Variants in GRIP1 observed in about 807,000 individuals in gnomAD.
The protein encoded by GRIP1 is glutamate receptor-interacting protein 1.
A neutral mutation model predicts 129.9 loss-of-function variants in GRIP1; 45 were observed. That is an observed-to-expected ratio of 0.35 (90% CI 0.27 to 0.44). The LOEUF is 0.44. GRIP1 is among the 20% of genes least tolerant of loss of function. The pLI, the probability that GRIP1 is intolerant of heterozygous loss-of-function variation, is 1.00. For synonymous variants in GRIP1, 530 were observed against 520.8 expected, an observed-to-expected ratio of 1.02 and a Z score of -0.24; for missense variants, 1,196 against 1,396.8, an observed-to-expected ratio of 0.86 and a Z score of 2.29.
At chr12:66,455,096 TA>T (rs2058918104) in intron 11 of GRIP1, among the ~76,000 whole-genome samples, 1 of 152,058 alleles carries the variant, frequency 6.6e-6, no homozygotes, top group Admixed American at 6.5e-5. Context: ...AAAGGAGTCT[TA>T]AAGGAAAAAT....
chr12:66,754,190 T>C (rs2037212699), intron 1 of GRIP1, among the ~76,000 whole-genome samples: 1 of 152,202 alleles, frequency 6.6e-6, no homozygotes, highest in African/African-American at 2.4e-5. Flanking sequence ...CAAAGGAATA[T>C]AGACGATGGA....
chr12:66,790,699 G>A (rs1452968353), intron 1 of GRIP1, among the ~76,000 whole-genome samples: 1 of 152,074 alleles, frequency 6.6e-6, no homozygotes. Context: ...GAACATATTT[G>A]GGTAGGAGCT....
intron 23 of GRIP1, among the ~76,000 whole-genome samples, chr12:66,354,676 G>A (rs2054394589): frequency 6.6e-6 from 1 of 152,084 alleles, no homozygotes; most frequent in South Asian, 2.1e-4. Context: ...ATACATTCTT[G>A]TAAAATAGTC....
intron 16 of GRIP1, among the ~76,000 whole-genome samples, chr12:66,396,693 G>T (rs1485688975): frequency 6.6e-6 from 1 of 152,116 alleles, no homozygotes; most frequent in Non-Finnish European, 1.5e-5. Context: ...TAACTAAGAA[G>T]GACACATTCC....
chr12:66,441,870 C>T (rs2058480112), intron 13 of GRIP1, among the ~76,000 whole-genome samples: 1 of 152,192 alleles, frequency 6.6e-6, no homozygotes, highest in African/African-American at 2.4e-5. Flanking sequence ...CTCACCCTCA[C>T]ACCTCAGGAG....
intron 1 of GRIP1, among the ~76,000 whole-genome samples, chr12:66,998,918 C>G (rs912339827): frequency 2.6e-5 from 4 of 152,078 alleles, no homozygotes; most frequent in African/African-American, 4.8e-5. Context: ...AGCATTTGAG[C>G]CTAAGTGCCC....
chr12:66,841,531 T>C (rs2039716280), intron 1 of GRIP1, among the ~76,000 whole-genome samples: 1 of 152,194 alleles, frequency 6.6e-6, no homozygotes, highest in African/African-American at 2.4e-5. Context: ...GCACAGCATT[T>C]TTTGATTATT....
At chr12:66,477,091 C>T (rs924879875) in intron 7 of GRIP1, among the ~76,000 whole-genome samples, 2 of 152,058 alleles carry the variant, frequency 1.3e-5, no homozygotes, top group East Asian at 1.9e-4. Flanking sequence ...TCAAATTGTC[C>T]CTGTTTGCAG....
At position 66,432,389 on chromosome 12, in the gene GRIP1, G is replaced by A. The variant is rs143329818; in HGVS notation, c.1768+159C>T. ...TTGAGTAACTTGTCTCATTCATACA[G>A]CCAGTAAGTGCTGGAGGTGTGACTG... is the stretch of plus-strand genomic sequence containing the variant. On this transcript the variant is annotated intron_variant, in intron 14 of 24. Transcript: ENST00000359742. Among the ~76,000 whole-genome samples the A allele has an allele frequency of 1.3e-3, 192 of 152,240 alleles. 2 individuals carry two copies. Among genetic ancestry groups the A allele is most frequent in the African/African-American group, 4.3e-3 (180 of 41,566 alleles).
At chr12:66,551,124 A>G (rs1775397359) in intron 2 of GRIP1, among the ~76,000 whole-genome samples, 1 of 152,238 alleles carries the variant, frequency 6.6e-6, no homozygotes, top group Admixed American at 6.5e-5. Flanking sequence ...TAAGTTAACT[A>G]CATTCTTACA....
chr12:66,759,589 G>A (rs942198849), intron 1 of GRIP1, among the ~76,000 whole-genome samples: 1 of 152,136 alleles, frequency 6.6e-6, no homozygotes, highest in Non-Finnish European at 1.5e-5. Flanking sequence ...GAACTATTAT[G>A]CTCTGCTTCC....
intron 5 of GRIP1, among the ~76,000 whole-genome samples, chr12:66,523,883 T>G (rs1370307996): frequency 6.6e-6 from 1 of 152,114 alleles, no homozygotes; most frequent in Non-Finnish European, 1.5e-5. Context: ...GCAATCCTAG[T>G]CTCTGATTAA....
rs2058576054 is a variant in GRIP1, at chr12:66,444,843, T to A, written c.1542-114A>T. 6 of 1,072,352 alleles carry A rather than the reference T, an allele frequency of 5.6e-6. No homozygotes were observed. The African/African-American group carries it at 7.7e-5, about 14-fold the overall frequency. 66.4% of individuals were successfully genotyped at this position (1,072,352 alleles called of 1,614,324 possible). On this transcript the variant is annotated intron_variant, in intron 12 of 24. Coordinates refer to ENST00000359742, the MANE Select transcript of GRIP1 (RefSeq NM_001366722.1). ...AAATAGCATCATAATTTGGTCTTGCTTATTCAATGCTGTGGGCATCATATA... is the reference window on the plus strand; with the variant it reads ...AAATAGCATCATAATTTGGTCTTGCATATTCAATGCTGTGGGCATCATATA...
chr12:67,053,887 T>A (rs4913520), intron 1 of GRIP1, among the ~76,000 whole-genome samples: 1 of 152,018 alleles, frequency 6.6e-6, no homozygotes. Context: ...AAAACATTTT[T>A]AAAAATCATG....
At chr12:66,909,352 C>A (rs749933945) in intron 1 of GRIP1, among the ~76,000 whole-genome samples, 7 of 152,168 alleles carry the variant, frequency 4.6e-5, no homozygotes, top group Non-Finnish European at 1.0e-4. Context: ...GCAGGTGGAG[C>A]AGAGAGCTTG....
At chr12:66,790,706 A>G (rs1384041733) in intron 1 of GRIP1, among the ~76,000 whole-genome samples, 1 of 152,114 alleles carries the variant, frequency 6.6e-6, no homozygotes, top group African/African-American at 2.4e-5. Flanking sequence ...TTTGGGTAGG[A>G]GCTAAGGTAT....
At chr12:66,593,994 G>T (rs1043926447) in intron 2 of GRIP1, among the ~76,000 whole-genome samples, 1 of 150,450 alleles carries the variant, frequency 6.6e-6, no homozygotes, top group Non-Finnish European at 1.5e-5. Flanking sequence ...TGTGAACCCG[G>T]GAGGTGGAGC....
chr12:66,989,285 T>G (rs2042359560), intron 1 of GRIP1, among the ~76,000 whole-genome samples: 1 of 152,266 alleles, frequency 6.6e-6, no homozygotes, highest in African/African-American at 2.4e-5. Context: ...GGACACCTTC[T>G]TCTTTGTTGC....
At chr12:66,616,798 G>C (rs2065055606) in intron 1 of GRIP1, among the ~76,000 whole-genome samples, 1 of 152,110 alleles carries the variant, frequency 6.6e-6, no homozygotes, top group South Asian at 2.1e-4. Flanking sequence ...CTGCCTCTCT[G>C]TTCCTCAGGG....
Sources: gnomAD v4.1 joint callset for allele counts (sites outside exome capture counted in the v4.1 genomes callset) on GRCh38, gnomAD v4.1.1 for gene constraint, MANE v1.5 for transcripts, NCBI Gene and HGNC (gene_info 2026-07-23, HGNC 2026-07-21) for gene names.